Variants in LARP1 observed in about 807,000 individuals in gnomAD.
LARP1 encodes the protein La ribonucleoprotein 1, translational regulator.
A neutral mutation model predicts 122.7 loss-of-function variants in LARP1; 36 were observed. The observed-to-expected ratio is 0.29, with a 90% confidence interval of 0.22 to 0.39. LARP1 has a LOEUF of 0.39. LARP1 is among the 10% of genes least tolerant of loss of function. LARP1 has a pLI of 1.00. For missense variants in LARP1, 1,040 were observed against 1,403.6 expected (o/e 0.74, Z 4.14); for synonymous variants, 539 against 528.7 (o/e 1.02, Z -0.27).
chr5:154,811,508 T>C lies in LARP1; in HGVS notation c.2954-5T>C, dbSNP rs1759270454. On this transcript the variant is annotated splice_region_variant and splice_polypyrimidine_tract_variant and intron_variant, in intron 17 of 18. Transcript: ENST00000518297. ...AGCTCAGCTTTTCTGTACCTCTCCC[T>C]ACAGGCCAACTGTATGGGCTGGAGA... 1.2e-6 allele frequency: 2 copies of C among 1,614,118 alleles called. No individual in the cohort carries two copies. Among genetic ancestry groups the C allele is most frequent in the Non-Finnish European group, 1.7e-6 (2 of 1,180,038 alleles).
chr5:154,689,106 G>T (rs1414532006), intron 1 of LARP1, among the ~76,000 whole-genome samples: 3 of 151,906 alleles, frequency 2.0e-5, no homozygotes, highest in Non-Finnish European at 4.4e-5. Context: ...ATCACCTGAG[G>T]TCAGGAGTTC....
At chr5:154,724,834 T>A (rs1028916871) in intron 1 of LARP1, among the ~76,000 whole-genome samples, 6 of 152,076 alleles carry the variant, frequency 3.9e-5, no homozygotes, top group Non-Finnish European at 5.9e-5. Context: ...ACCCAGCTAA[T>A]TTTTGCATTT....
At chr5:154,766,866 G>A (rs1468126768) in intron 1 of LARP1, among the ~76,000 whole-genome samples, 1 of 152,164 alleles carries the variant, frequency 6.6e-6, no homozygotes, top group African/African-American at 2.4e-5. Flanking sequence ...GTGCCCTCAG[G>A]GCCTTGGTTT....
At chr5:154,698,074 A>G (rs901385624) in intron 1 of LARP1, among the ~76,000 whole-genome samples, 1 of 152,066 alleles carries the variant, frequency 6.6e-6, no homozygotes, top group Non-Finnish European at 1.5e-5. Context: ...AATGCTAACA[A>G]TCATCTGAGC....
At chr5:154,804,830 A>G (rs1307935156) in intron 14 of LARP1, 1 of 456,220 alleles carries the variant, frequency 2.2e-6, no homozygotes, top group Admixed American at 2.3e-5. Flanking sequence ...AGAGCCACCT[A>G]CCTATGACCA....
chr5:154,722,460 G>T (rs1755930719), intron 1 of LARP1, among the ~76,000 whole-genome samples: 1 of 152,126 alleles, frequency 6.6e-6, no homozygotes, highest in Admixed American at 6.6e-5. Context: ...GAGAACAGGT[G>T]TGACCCTGCC....
intron 1 of LARP1, among the ~76,000 whole-genome samples, chr5:154,687,707 G>A (rs1185834939): frequency 1.3e-5 from 2 of 152,074 alleles, no homozygotes; most frequent in Non-Finnish European, 2.9e-5. Flanking sequence ...TTGGGAGGCT[G>A]GGCACTCATG....
intron 1 of LARP1, among the ~76,000 whole-genome samples, chr5:154,697,883 T>C (rs1293746627): frequency 6.6e-6 from 1 of 152,198 alleles, no homozygotes; most frequent in Non-Finnish European, 1.5e-5. Context: ...TGGAGTGCAG[T>C]GGTGCCATCA....
At chr5:154,770,453 G>A (rs767992707) in intron 1 of LARP1, among the ~76,000 whole-genome samples, 5 of 151,998 alleles carry the variant, frequency 3.3e-5, no homozygotes, top group Non-Finnish European at 7.4e-5. Context: ...GTGCTTCCCT[G>A]CCTAGGCTAC....
At chr5:154,738,353 G>A (rs1284672187) in intron 1 of LARP1, among the ~76,000 whole-genome samples, 1 of 152,064 alleles carries the variant, frequency 6.6e-6, no homozygotes, top group African/African-American at 2.4e-5. Flanking sequence ...ACTTTGGGAG[G>A]CTGAGAGGTG....
At position 154,815,910 on chromosome 5, in the gene LARP1, G is replaced by A. The variant is rs1054470556; in HGVS notation, c.*1814G>A. Reference sequence around the variant, plus strand: ...GCACGTTCACTCTCAGTGGGATCTGGGCAACATGGAGTTCATTGTCCTGTT... The same window carrying A: ...GCACGTTCACTCTCAGTGGGATCTGAGCAACATGGAGTTCATTGTCCTGTT... On this transcript the variant is annotated 3_prime_UTR_variant, in exon 19 of 19. Transcript: ENST00000518297. 2 of 152,290 alleles carry A rather than the reference G, an allele frequency of 1.3e-5. No homozygotes were observed. The highest frequency in any genetic ancestry group is 4.8e-5 in the African/African-American group (2 of 41,426). 9.4% of individuals were successfully genotyped at this position (152,290 alleles called of 1,614,324 possible).
intron 1 of LARP1, among the ~76,000 whole-genome samples, chr5:154,701,785 C>T (rs1302983228): frequency 6.6e-6 from 1 of 151,992 alleles, no homozygotes; most frequent in Non-Finnish European, 1.5e-5. Flanking sequence ...CCATGACCAG[C>T]TAATTTTTTA....
At chr5:154,785,913 A>G (rs531445393) in intron 1 of LARP1, among the ~76,000 whole-genome samples, 1 of 152,244 alleles carries the variant, frequency 6.6e-6, no homozygotes, top group South Asian at 2.1e-4. Context: ...GCTCCTTGAC[A>G]CTCAAAATAA....
intron 1 of LARP1, among the ~76,000 whole-genome samples, chr5:154,697,035 C>T (rs542935039): frequency 8.6e-5 from 13 of 151,988 alleles, no homozygotes; most frequent in Non-Finnish European, 1.6e-4. Context: ...TTCAGAGGAG[C>T]AGAGAGTTGA....
chr5:154,811,470 C>G (rs745568291), intron 17 of LARP1, 43 bp from the exon 18 acceptor site: 9 of 1,613,748 alleles, frequency 5.6e-6, no homozygotes, highest in Admixed American at 1.7e-5. Flanking sequence ...CTCTGAGCTT[C>G]TTTATCCTCA....
intron 15 of LARP1, among the ~76,000 whole-genome samples, chr5:154,807,918 C>G (rs114810373): frequency 6.6e-6 from 1 of 152,166 alleles, no homozygotes; most frequent in Non-Finnish European, 1.5e-5. Flanking sequence ...TTATCAAATA[C>G]GTGATTTGCA....
rs1258050022 is a variant in LARP1, at chr5:154,757,894, C to A, written c.436+1701C>A. Among the ~76,000 whole-genome samples the A allele has an allele frequency of 6.1e-4, 71 of 115,660 alleles. 1 individual carries two copies. In the East Asian group the frequency reaches 0.012, roughly 20 times the overall value. The allele number at this position is 115,660 out of a possible 152,430, so 75.9% of individuals were successfully genotyped here. On this transcript the variant is annotated intron_variant, in intron 1 of 18. Coordinates refer to ENST00000518297, the MANE Select transcript of LARP1 (RefSeq NM_033551.3). Reference sequence around the variant, plus strand: ...CCTCCTCCCCTTCCCCCTTCCTCCCCTTCCCCCCTCCTCCCCTTCCCCCCT... The same window carrying A: ...CCTCCTCCCCTTCCCCCTTCCTCCCATTCCCCCCTCCTCCCCTTCCCCCCT...
At chr5:154,691,414 T>A (rs1754201845) in intron 1 of LARP1, among the ~76,000 whole-genome samples, 1 of 152,040 alleles carries the variant, frequency 6.6e-6, no homozygotes, top group Non-Finnish European at 1.5e-5. Context: ...CTTTCCCCCG[T>A]CTCTGCAGCT....
chr5:154,686,174 G>A (rs779963463), intron 1 of LARP1, among the ~76,000 whole-genome samples: 1 of 152,184 alleles, frequency 6.6e-6, no homozygotes, highest in Admixed American at 6.6e-5. Flanking sequence ...TATTTCAGGA[G>A]CTCATTCTGT....
Sources: gnomAD v4.1 joint callset for allele counts (sites outside exome capture counted in the v4.1 genomes callset) on GRCh38, gnomAD v4.1.1 for gene constraint, MANE v1.5 for transcripts, NCBI Gene and HGNC (gene_info 2026-07-23, HGNC 2026-07-21) for gene names.